Variants in NCS1 observed in about 807,000 individuals in gnomAD.
The protein encoded by NCS1 is neuronal calcium sensor 1.
In NCS1, 6 loss-of-function variants were observed where a neutral mutation model predicts 28.4. That is an observed-to-expected ratio of 0.21 (90% CI 0.12 to 0.42). NCS1 has a LOEUF of 0.42. Among genes scored for constraint, NCS1 ranks in the 10% least tolerant of loss-of-function variants. NCS1 has a pLI of 1.00. For missense variants in NCS1, 131 were observed against 241.4 expected (o/e 0.54, Z 3.03); for synonymous variants, 86 against 99.3 (o/e 0.87, Z 0.79).
In NCS1 at chr9:130,216,808, C is replaced by T. The variant is rs546557545; in HGVS notation, c.90-1024C>T. On this transcript the variant is annotated intron_variant, in intron 2 of 7. Transcript: ENST00000372398. ...AGGTGTGCAGAGTTCCCAGTCGCGT[C>T]AGGCCCTGCAAAGCTAATAGCCGGT... Among the ~76,000 whole-genome samples the T allele has an allele frequency of 1.8e-3, 263 of 149,044 alleles. 2 individuals are homozygous for T. Among genetic ancestry groups the T allele is most frequent in the African/African-American group, 6.2e-3 (253 of 40,804 alleles).
intron 1 of NCS1, among the ~76,000 whole-genome samples, chr9:130,193,624 C>T (rs1208749463): frequency 6.7e-5 from 10 of 148,606 alleles, no homozygotes; most frequent in Admixed American, 2.7e-4. Flanking sequence ...GGAGCTTGGA[C>T]GGGGGTGGGG....
chr9:130,203,984 A>T (rs1452694076), intron 2 of NCS1, among the ~76,000 whole-genome samples: 4 of 152,088 alleles, frequency 2.6e-5, no homozygotes, highest in Admixed American at 6.6e-5. Flanking sequence ...ATTTTTATTT[A>T]AAAAATTTTT....
intron 1 of NCS1, among the ~76,000 whole-genome samples, chr9:130,182,427 G>A (rs2131118410): frequency 6.6e-6 from 1 of 152,314 alleles, no homozygotes; most frequent in East Asian, 1.9e-4. Context: ...AGGCATCCCG[G>A]ACTCCTGGGC....
rs775662520 is a variant in NCS1 at position 130,235,300 on chromosome 9, G to C, written c.*2328G>C. 6.6e-6 allele frequency: 1 copy of C among 152,436 alleles called. No individual in the cohort carries two copies. Among genetic ancestry groups the C allele is most frequent in the Non-Finnish European group, 1.5e-5 (1 of 68,210 alleles). The allele number at this position is 152,436 out of a possible 1,614,324, so 9.4% of individuals were successfully genotyped here. The stretch of plus-strand genomic sequence containing the variant: ...TTTCTCAGCTGGGCTCTGACCTGGG[G>C]TCTGGGGCAGGGAACGAACATGGTG... On this transcript the variant is annotated 3_prime_UTR_variant, in exon 8 of 8. Coordinates refer to ENST00000372398, the MANE Select transcript of NCS1 (RefSeq NM_014286.4).
intron 2 of NCS1, among the ~76,000 whole-genome samples, chr9:130,207,837 CTG>C (rs1833048476): frequency 6.6e-6 from 1 of 152,212 alleles, no homozygotes; most frequent in East Asian, 1.9e-4. Flanking sequence ...GTGCCGTTGT[CTG>C]TATTTGGCAG....
intron 1 of NCS1, among the ~76,000 whole-genome samples, chr9:130,187,201 G>A (rs1554905721): frequency 1.3e-5 from 2 of 152,294 alleles, no homozygotes; most frequent in East Asian, 1.9e-4. Context: ...GGGAGGCACC[G>A]GCAGGTATCC....
chr9:130,175,605 G>C lies in NCS1; in HGVS notation c.64+2878G>C, dbSNP rs1554904521. The stretch of plus-strand genomic sequence containing the variant: ...GCCACAGTGCCAAGGGGGCCTAGAG[G>C]GGAGCCATGGGTCCACGTCCGAGTC... On this transcript the variant is annotated intron_variant, in intron 1 of 7. Transcript: ENST00000372398. This position sits in a 1 kb window ranked among gnomAD's most constrained non-coding sequence, Gnocchi z 4.9. Among the ~76,000 whole-genome samples the C allele has an allele frequency of 6.6e-6, 1 of 152,136 alleles. No individual in the cohort carries two copies.
rs1833173636 is a variant in NCS1 at position 130,215,711 on chromosome 9, T to C, written c.90-2121T>C. Among the ~76,000 whole-genome samples, 1 of 152,138 alleles carries C rather than the reference T, an allele frequency of 6.6e-6. No homozygotes were observed. Among genetic ancestry groups the C allele is most frequent in the Non-Finnish European group, 1.5e-5 (1 of 68,006 alleles). On this transcript the variant is annotated intron_variant, in intron 2 of 7. Transcript: ENST00000372398. The surrounding 1 kb of genome is among the most constrained non-coding windows in gnomAD (Gnocchi z 4.2). ...AGTGCCTGGGTTTGGGCTGCTATTATGGGCTGTTACAAAGGCCTGTGGTTC... is the reference window on the plus strand; with the variant it reads ...AGTGCCTGGGTTTGGGCTGCTATTACGGGCTGTTACAAAGGCCTGTGGTTC...
rs1401161615 is a variant in NCS1, at chr9:130,176,183, TTTCTTTCTTTC to T, written c.64+3459_64+3469del. On this transcript the variant is annotated intron_variant, in intron 1 of 7. Coordinates refer to ENST00000372398, the MANE Select transcript of NCS1 (RefSeq NM_014286.4). ...CTTTCTTTCTTTCTTTCTTTCTTTC[TTTCTTTCTTTC>T]TTTTTTTTTTTTTTTGGAGACAGGG... 1.2e-3 allele frequency among the ~76,000 whole-genome samples: 80 copies of T among 66,390 alleles called. 2 individuals are homozygous for T. The East Asian group carries it at 0.033, about 27-fold the overall frequency. The allele number at this position is 66,390 out of a possible 152,430, so 43.6% of individuals were successfully genotyped here.
intron 4 of NCS1, among the ~76,000 whole-genome samples, chr9:130,221,413 TAGAGAGAG>T (rs782666520): frequency 5.2e-4 from 30 of 57,708 alleles, no homozygotes; most frequent in East Asian, 2.3e-3. Context: ...TATATATATA[TAGAGAGAG>T]AGAGAGAGAG....
chr9:130,202,498 T>G (rs941858193), intron 2 of NCS1, among the ~76,000 whole-genome samples: 1 of 152,060 alleles, frequency 6.6e-6, no homozygotes, highest in South Asian at 2.1e-4. Context: ...AGCTTGGCCT[T>G]GTCCATGTTG....
chr9:130,218,845 T>A (rs1017850714), intron 3 of NCS1, among the ~76,000 whole-genome samples: 1 of 152,092 alleles, frequency 6.6e-6, no homozygotes, highest in African/African-American at 2.4e-5. Flanking sequence ...CCCACCTTGG[T>A]CTCCCAAAGT....
At chr9:130,193,212 A>G (rs1832839394) in intron 1 of NCS1, among the ~76,000 whole-genome samples, 1 of 152,150 alleles carries the variant, frequency 6.6e-6, no homozygotes, top group Non-Finnish European at 1.5e-5. Flanking sequence ...GCTCTGAGGT[A>G]CTGCAGGGAG....
In NCS1 at chr9:130,191,220, G is replaced by A. The variant is rs1832812478; in HGVS notation, c.65-9738G>A. ...GCAAAGGCCCTGGGTGATCCCTGCTGGACTGTGTGTCCCAAGCCGAGAGCC... is the reference window on the plus strand; with the variant it reads ...GCAAAGGCCCTGGGTGATCCCTGCTAGACTGTGTGTCCCAAGCCGAGAGCC... On this transcript the variant is annotated intron_variant, in intron 1 of 7. Coordinates refer to ENST00000372398, the MANE Select transcript of NCS1 (RefSeq NM_014286.4). The surrounding 1 kb of genome is among the most constrained non-coding windows in gnomAD (Gnocchi z 6.4). Among the ~76,000 whole-genome samples, 1 of 152,182 alleles carries A rather than the reference G, an allele frequency of 6.6e-6. No individual in the cohort carries two copies. Among genetic ancestry groups the A allele is most frequent in the South Asian group, 2.1e-4 (1 of 4,834 alleles).
chr9:130,189,820 C>G (rs1832789352), intron 1 of NCS1, among the ~76,000 whole-genome samples: 1 of 137,702 alleles, frequency 7.3e-6, no homozygotes, highest in Non-Finnish European at 1.5e-5. Flanking sequence ...CCACTGCACT[C>G]CAGCCTGGGT....
At chr9:130,228,551 C>G (rs115269533) in intron 7 of NCS1, among the ~76,000 whole-genome samples, 1 of 151,772 alleles carries the variant, frequency 6.6e-6, no homozygotes, top group African/African-American at 2.4e-5. Context: ...TGCTAAGTCA[C>G]CTTGCATTCT....
In NCS1 at chr9:130,218,056, G is replaced by A. The variant is rs115945179; in HGVS notation, c.228+86G>A. The A allele has an allele frequency of 7.2e-3, 11,240 of 1,551,826 alleles. 677 individuals are homozygous for A. The African/African-American group carries it at 0.13, about 18-fold the overall frequency. ...GTCTCCACACCCACTCTCTCCTGCC[G>A]ATGTTCCCTTCTAGAGAAGGAACAC... On this transcript the variant is annotated intron_variant, in intron 3 of 7. Transcript: ENST00000372398.
At chr9:130,222,134 ATATATACG>A (rs1445362888) in intron 4 of NCS1, among the ~76,000 whole-genome samples, 3 of 137,904 alleles carry the variant, frequency 2.2e-5, no homozygotes, top group East Asian at 2.1e-4. Flanking sequence ...ATGTGTATAT[ATATATACG>A]TATATATATA....
At chr9:130,221,349 T>A (rs1588124227) in intron 4 of NCS1, among the ~76,000 whole-genome samples, 1 of 140,682 alleles carries the variant, frequency 7.1e-6, no homozygotes, top group Non-Finnish European at 1.5e-5. Flanking sequence ...TATATATATA[T>A]AAAATATTTA....
Sources: gnomAD v4.1 joint callset for allele counts (sites outside exome capture counted in the v4.1 genomes callset) on GRCh38, gnomAD v4.1.1 for gene constraint, Gnocchi (gnomAD v3.1) non-coding constraint, MANE v1.5 for transcripts, NCBI Gene and HGNC (gene_info 2026-07-23, HGNC 2026-07-21) for gene names.